Variants in EPHB2 observed in about 807,000 individuals in gnomAD.
EPHB2 encodes the protein ephrin type-B receptor 2.
EPHB2 carries 18 observed loss-of-function variants against 96.4 expected under a neutral mutation model. That is an observed-to-expected ratio of 0.19 (90% CI 0.13 to 0.28). The LOEUF is 0.28. Ranked by LOEUF, EPHB2 falls within the 10% of genes least tolerant of loss-of-function variation. The pLI is 1.00. For missense variants in EPHB2, 989 were observed against 1,355.4 expected (o/e 0.73, Z 4.25); for synonymous variants, 506 against 534.1 (o/e 0.95, Z 0.72).
chr1:22,781,448 C>G lies in EPHB2; in HGVS notation c.89C>G (p.Thr30Ser), dbSNP rs1336797574. 6.2e-6 allele frequency: 10 copies of G among 1,614,012 alleles called. No homozygotes were observed. Among genetic ancestry groups the G allele is most frequent in the African/African-American group, 1.3e-5 (1 of 74,910 alleles). ...ACGCTAATGGACTCCACTACAGCGA[C>G]TGCTGAGCTGGGCTGGATGGTGCAT... The part of the protein sequence containing the change: ...EETLMDSTTA[T>S]AELGWMVHPP... The change falls in exon 2 of 16, where the codon ACT becomes AGT. Residue 30 changes from threonine to serine, a missense_variant. Physicochemically the swap from Thr to Ser is moderately conservative, Grantham distance 58. Coordinates refer to ENST00000374630, the MANE Select transcript of EPHB2 (RefSeq NM_017449.5).
At chr1:22,909,203 C>T (rs1640012223) in intron 13 of EPHB2, 32 bp downstream of exon 13, 1 of 1,614,072 alleles carries the variant, frequency 6.2e-7, no homozygotes, top group Non-Finnish European at 8.5e-7. Context: ...CAAGGCCTCT[C>T]TGGCCCACCA....
At chr1:22,722,345 C>A (rs1173940619) in intron 1 of EPHB2, among the ~76,000 whole-genome samples, 2 of 152,194 alleles carry the variant, frequency 1.3e-5, no homozygotes, top group Admixed American at 6.5e-5. Context: ...AAATACAGTT[C>A]TGGCCAAACC....
intron 5 of EPHB2, among the ~76,000 whole-genome samples, chr1:22,866,283 A>G (rs1216196762): frequency 6.6e-6 from 1 of 152,120 alleles, no homozygotes; most frequent in South Asian, 2.1e-4. Flanking sequence ...GCCAGGCTGC[A>G]AGAGGGAAAG....
intron 15 of EPHB2, chr1:22,912,965 C>T (rs1328422440): frequency 1.1e-5 from 4 of 361,848 alleles, no homozygotes; most frequent in Admixed American, 7.5e-5. Flanking sequence ...GAGGCCGAGG[C>T]GGGCAGATCA....
intron 7 of EPHB2, 43 bp from the exon 8 acceptor site, chr1:22,895,428 TC>T: frequency 6.3e-7 from 1 of 1,593,434 alleles, no homozygotes; most frequent in Non-Finnish European, 8.6e-7. Context: ...GTATTACGAC[TC>T]CCACAGCCAG....
At chr1:22,786,944 G>A (rs1343663948) in intron 3 of EPHB2, among the ~76,000 whole-genome samples, 4 of 152,224 alleles carry the variant, frequency 2.6e-5, no homozygotes, top group Non-Finnish European at 4.4e-5. Context: ...GCCTTGGAAG[G>A]TGGCAGTGGT....
intron 3 of EPHB2, among the ~76,000 whole-genome samples, chr1:22,813,603 T>C (rs946450366): frequency 2.6e-5 from 4 of 152,244 alleles, no homozygotes; most frequent in African/African-American, 2.4e-5. Flanking sequence ...CCACGAGGCA[T>C]TGGGAGATGG....
intron 1 of EPHB2, among the ~76,000 whole-genome samples, chr1:22,742,618 C>G (rs1384409276): frequency 1.3e-5 from 2 of 152,110 alleles, no homozygotes; most frequent in African/African-American, 2.4e-5. Context: ...GCGATCCCCC[C>G]ACCTCAGCCT....
rs184575502 is a variant in EPHB2 at position 22,833,235 on chromosome 1, C to T, written c.812-29802C>T. Among the ~76,000 whole-genome samples, 383 of 152,246 alleles carry T rather than the reference C, an allele frequency of 2.5e-3. 1 individual carries two copies. The highest frequency in any genetic ancestry group is 7.9e-3 in the South Asian group (38 of 4,824). On this transcript the variant is annotated intron_variant, in intron 3 of 15. Coordinates refer to ENST00000374630, the MANE Select transcript of EPHB2 (RefSeq NM_017449.5). ...CAGGTTCCAGCGATTCTCCTGCCTTCAGCCTCCTGAGTAGCTAGGACTACA... is the reference window on the plus strand; with the variant it reads ...CAGGTTCCAGCGATTCTCCTGCCTTTAGCCTCCTGAGTAGCTAGGACTACA...
chr1:22,831,355 C>A (rs1645300935), intron 3 of EPHB2, among the ~76,000 whole-genome samples: 2 of 152,072 alleles, frequency 1.3e-5, no homozygotes, highest in South Asian at 4.2e-4. Context: ...TTGCTACCTC[C>A]CCCCTTAGCA....
intron 3 of EPHB2, among the ~76,000 whole-genome samples, chr1:22,792,436 C>T (rs1025489552): frequency 6.6e-6 from 1 of 152,104 alleles, no homozygotes; most frequent in Non-Finnish European, 1.5e-5. Flanking sequence ...GGGCTGAGAC[C>T]ACACAGGCCA....
chr1:22,892,508 C>T (rs1639420873), intron 6 of EPHB2, among the ~76,000 whole-genome samples: 1 of 152,196 alleles, frequency 6.6e-6, no homozygotes, highest in African/African-American at 2.4e-5. Flanking sequence ...TCCTGTTTCT[C>T]ATGCTGGAGC....
Position 22,916,146 on chromosome 1 carries a change from GCAGCTGTCT to G in EPHB2, c.*2578_*2586del, listed in dbSNP as rs1640262065. 6.6e-6 allele frequency: 1 copy of G among 152,296 alleles called. No homozygotes were observed. Among genetic ancestry groups the G allele is most frequent in the African/African-American group, 2.4e-5 (1 of 41,462 alleles). The allele number at this position is 152,296 out of a possible 1,614,324, so 9.4% of individuals were successfully genotyped here. A position where few individuals can be genotyped will look rare whatever the true frequency, so the allele number is the denominator to read the frequency against. On this transcript the variant is annotated 3_prime_UTR_variant, in exon 16 of 16. Coordinates refer to ENST00000374630, the MANE Select transcript of EPHB2 (RefSeq NM_017449.5). This position sits in a 1 kb window ranked among gnomAD's most constrained non-coding sequence, Gnocchi z 4.2. ...GCCCCAAAGGTGCCCTGCGCGGGTG[GCAGCTGTCT>G]CGGCACACAAGGTCACCTTCTGGTG...
chr1:22,877,442 C>G (rs1215909591), intron 5 of EPHB2, among the ~76,000 whole-genome samples: 1 of 152,140 alleles, frequency 6.6e-6, no homozygotes, highest in Admixed American at 6.5e-5. Context: ...AGCTGAATGA[C>G]AAGCTTGTTT....
intron 3 of EPHB2, among the ~76,000 whole-genome samples, chr1:22,787,300 C>A (rs1216218001): frequency 6.6e-6 from 1 of 152,146 alleles, no homozygotes; most frequent in Non-Finnish European, 1.5e-5. Context: ...GATGGAGCTG[C>A]ATGAATAAAG....
At chr1:22,741,588 T>C (rs973171125) in intron 1 of EPHB2, among the ~76,000 whole-genome samples, 1 of 151,282 alleles carries the variant, frequency 6.6e-6, no homozygotes, top group Non-Finnish European at 1.5e-5. Context: ...CTGTAGCCCA[T>C]CTATTCCTCC....
intron 5 of EPHB2, 131 bp downstream of exon 5, chr1:22,865,343 G>T (rs1043134631): frequency 7.6e-6 from 8 of 1,058,678 alleles, no homozygotes; most frequent in Non-Finnish European, 1.1e-5. Flanking sequence ...TCATGTGATC[G>T]GTCCACCTGG....
intron 3 of EPHB2, among the ~76,000 whole-genome samples, chr1:22,853,402 G>C (rs534948680): frequency 3.3e-5 from 5 of 152,216 alleles, no homozygotes; most frequent in African/African-American, 1.2e-4. Context: ...AGACCTCGGG[G>C]TTACCCACCA....
At chr1:22,754,205 CA>C (rs1644108566) in intron 1 of EPHB2, among the ~76,000 whole-genome samples, 1 of 2,904 alleles carries the variant, frequency 3.4e-4, no homozygotes, top group Admixed American at 0.023. Context: ...CAAACCAAAC[CA>C]AAATGGTGGC....
Sources: gnomAD v4.1 joint callset for allele counts (sites outside exome capture counted in the v4.1 genomes callset) on GRCh38, gnomAD v4.1.1 for gene constraint, Gnocchi (gnomAD v3.1) non-coding constraint, MANE v1.5 for transcripts, NCBI Gene and HGNC (gene_info 2026-07-23, HGNC 2026-07-21) for gene names.